The following CLASP2 variants were observed in gnomAD, a reference collection of about 807,000 sequenced individuals.
CLASP2 encodes the protein cytoplasmic linker associated protein 2.
Under a neutral mutation model 194.4 loss-of-function variants are expected in CLASP2, and 47 were observed. The observed-to-expected ratio is 0.24, with a 90% CI of 0.19 to 0.31. The LOEUF (loss-of-function observed/expected upper bound fraction) is 0.31. CLASP2 is among the 10% of genes least tolerant of loss of function. The pLI is 1.00. For synonymous variants in CLASP2, 619 were observed against 633.5 expected (o/e 0.98, Z 0.34); for missense variants, 1,445 against 1,823.6 (o/e 0.79, Z 3.78).
At chr3:33,690,423 A>G (rs1439300841) in intron 2 of CLASP2, among the ~76,000 whole-genome samples, 2 of 152,194 alleles carry the variant, frequency 1.3e-5, no homozygotes, top group Non-Finnish European at 1.5e-5. Flanking sequence ...GATTATTGAA[A>G]ATTAAAAAAT....
At chr3:33,584,181 A>C (rs1362477669) in intron 22 of CLASP2, among the ~76,000 whole-genome samples, 3 of 152,136 alleles carry the variant, frequency 2.0e-5, no homozygotes, top group Non-Finnish European at 4.4e-5. Flanking sequence ...TGTATATGTG[A>C]TAAATATGTT....
Position 33,644,883 on chromosome 3 carries a change from C to A in CLASP2, c.736G>T (p.Glu246Ter). 1 of 1,601,620 alleles carries A rather than the reference C, an allele frequency of 6.2e-7. No homozygotes were observed. The highest frequency in any genetic ancestry group is 2.2e-5 in the East Asian group (1 of 44,652). ...GATGGCCTATTTCCATCCACTGATTCTTCATCATCGAAGCTTTTATCTGCA... is the reference window on the plus strand; with the variant it reads ...GATGGCCTATTTCCATCCACTGATTATTCATCATCGAAGCTTTTATCTGCA... Reference protein sequence around the residue: ...VCKDKSFDDEESVDGNRPSSA... With the variant: ...VCKDKSFDDE The change falls in exon 8 of 39, where the codon GAA becomes TAA. Residue 246 changes from glutamate (E) to a stop codon, truncating the protein, a stop_gained. Coordinates refer to ENST00000682230, the MANE Select transcript of CLASP2 (RefSeq NM_001365631.1). LOFTEE classifies it high-confidence loss of function.
chr3:33,550,425 A>G (rs543387972), intron 30 of CLASP2, among the ~76,000 whole-genome samples: 6 of 151,278 alleles, frequency 4.0e-5, no homozygotes, highest in African/African-American at 1.5e-4. Flanking sequence ...AGATAGAAGA[A>G]GTAAACAGGG....
rs1472675174 is a variant in CLASP2 at position 33,717,795 on chromosome 3, C to A, written c.195+13G>T. On this transcript the variant is annotated intron_variant, in intron 1 of 38. Coordinates refer to ENST00000682230, the MANE Select transcript of CLASP2 (RefSeq NM_001365631.1). ...GAGGGCGTGACCAGCCCAGCCTCGCCGCCGTCGCTTACCCGGTAGTTGCTC... is the reference window on the plus strand; with the variant it reads ...GAGGGCGTGACCAGCCCAGCCTCGCAGCCGTCGCTTACCCGGTAGTTGCTC... The A allele has an allele frequency of 4.5e-6, 7 of 1,550,992 alleles. No individual in the cohort carries two copies. Among genetic ancestry groups the A allele is most frequent in the Non-Finnish European group, 6.1e-6 (7 of 1,147,892 alleles).
chr3:33,568,360 T>G (rs2063123457), intron 26 of CLASP2, among the ~76,000 whole-genome samples: 1 of 151,628 alleles, frequency 6.6e-6, no homozygotes, highest in Admixed American at 6.6e-5. Context: ...CAAGACCAGC[T>G]TGGCCAACAT....
intron 8 of CLASP2, among the ~76,000 whole-genome samples, chr3:33,633,836 GGC>G (rs1335476944): frequency 6.6e-6 from 1 of 152,036 alleles, no homozygotes; most frequent in Non-Finnish European, 1.5e-5. Context: ...CCCAAAATGT[GGC>G]AAAGAGAAAA....
intron 17 of CLASP2, among the ~76,000 whole-genome samples, chr3:33,603,336 C>T (rs2072812399): frequency 6.6e-6 from 1 of 152,136 alleles, no homozygotes; most frequent in South Asian, 2.1e-4. Context: ...TATTTCTCTA[C>T]CTTATTTCTC....
chr3:33,688,243 C>G lies in CLASP2; in HGVS notation c.470+34G>C, dbSNP rs140526369. ...AGGTTTTTTTTAGAGAAATAAAAAA[C>G]AAGACAGTTATTTTCAGTAATCATA... On this transcript the variant is annotated intron_variant, in intron 4 of 38. Coordinates refer to ENST00000682230, the MANE Select transcript of CLASP2 (RefSeq NM_001365631.1). The G allele has an allele frequency of 2.1e-4, 305 of 1,460,730 alleles. No individual in the cohort carries two copies. The East Asian group carries it at 2.6e-3, about 12-fold the overall frequency. 90.5% of individuals were successfully genotyped at this position (1,460,730 alleles called of 1,614,324 possible).
intron 12 of CLASP2, 90 bp from the exon 13 acceptor site, chr3:33,612,161 T>C (rs1188021581): frequency 2.1e-5 from 17 of 790,868 alleles, no homozygotes; most frequent in Non-Finnish European, 3.1e-5. Flanking sequence ...TATTTAGTTA[T>C]GTTACAAGAG....
rs1202025769 is a variant in CLASP2 at position 33,535,244 on chromosome 3, T to C, written c.3776A>G (p.Gln1259Arg). 2 of 1,612,696 alleles carry C rather than the reference T, an allele frequency of 1.2e-6. No individual in the cohort carries two copies. Among genetic ancestry groups the C allele is most frequent in the African/African-American group, 1.3e-5 (1 of 74,922 alleles). The change falls in exon 34 of 39, where the codon CAG (glutamine) becomes CGG (arginine). Residue 1259 changes from glutamine to arginine, a missense_variant. Gln to Arg is a conservative substitution (Grantham distance 43, BLOSUM62 1). Coordinates refer to ENST00000682230, the MANE Select transcript of CLASP2 (RefSeq NM_001365631.1). ...KEAMFDDDAD[Q>R]FPDDLSLDHS... ...GACCCAGAACATACCGTCAGGAAAC[T>C]GGTCAGCATCATCATCAAACATGGC...
At chr3:33,581,764 C>G (rs533075326) in intron 23 of CLASP2, 57 bp downstream of exon 23, 2 of 1,185,594 alleles carry the variant, frequency 1.7e-6, no homozygotes, top group East Asian at 2.4e-5. Context: ...CTGAAGTTAA[C>G]AGATAGTGAT....
At chr3:33,538,690 G>C in intron 33 of CLASP2, 99 bp downstream of exon 33, 1 of 1,018,604 alleles carries the variant, frequency 9.8e-7, no homozygotes, top group Non-Finnish European at 1.4e-6. Context: ...CTGATCCCTA[G>C]AAAAGTATAT....
chr3:33,656,487 A>G (rs1262253827), intron 7 of CLASP2, among the ~76,000 whole-genome samples: 3 of 152,202 alleles, frequency 2.0e-5, no homozygotes, highest in Non-Finnish European at 2.9e-5. Flanking sequence ...AATAATAACC[A>G]GAACTGAAAA....
intron 18 of CLASP2, among the ~76,000 whole-genome samples, chr3:33,599,167 C>T (rs1216940453): frequency 6.6e-6 from 1 of 152,036 alleles, no homozygotes; most frequent in Non-Finnish European, 1.5e-5. Flanking sequence ...CTCTGTCACC[C>T]AGGCTGAAGT....
intron 7 of CLASP2, among the ~76,000 whole-genome samples, chr3:33,660,841 T>C (rs911611362): frequency 6.6e-6 from 1 of 152,232 alleles, no homozygotes; most frequent in Non-Finnish European, 1.5e-5. Flanking sequence ...TTTCTATCAC[T>C]TTATTTACAG....
intron 6 of CLASP2, among the ~76,000 whole-genome samples, chr3:33,672,617 G>A (rs1030813746): frequency 3.3e-5 from 5 of 152,336 alleles, no homozygotes; most frequent in African/African-American, 9.6e-5. Flanking sequence ...CGAGTTGACA[G>A]AAGAAGGCTT....
intron 37 of CLASP2, among the ~76,000 whole-genome samples, chr3:33,509,013 A>G (rs1286415778): frequency 6.6e-6 from 1 of 152,166 alleles, no homozygotes; most frequent in Non-Finnish European, 1.5e-5. Context: ...TTGAGTGGAA[A>G]ATGGTATTTG....
chr3:33,638,344 G>A (rs539170454), intron 8 of CLASP2, among the ~76,000 whole-genome samples: 75 of 151,506 alleles, frequency 5.0e-4, no homozygotes, highest in African/African-American at 1.7e-3. Flanking sequence ...TCGCTCCGTC[G>A]CCCAGGCTGT....
chr3:33,633,189 T>C (rs960197446), intron 8 of CLASP2, among the ~76,000 whole-genome samples: 2 of 152,186 alleles, frequency 1.3e-5, no homozygotes, highest in African/African-American at 4.8e-5. Context: ...CACTGTGCCA[T>C]CACACAGCAC....
Sources: gnomAD v4.1 joint callset for allele counts (sites outside exome capture counted in the v4.1 genomes callset) on GRCh38, gnomAD v4.1.1 for gene constraint, MANE v1.5 for transcripts, NCBI Gene and HGNC (gene_info 2026-07-23, HGNC 2026-07-21) for gene names.